The following MEMO1 variants were observed in gnomAD, a reference collection of about 807,000 sequenced individuals.
MEMO1 encodes protein MEMO1.
A neutral mutation model predicts 45.2 loss-of-function variants in MEMO1; 6 were observed. The ratio of observed to expected loss-of-function variants is 0.13; its 90% CI spans 0.07 to 0.26. MEMO1 has a LOEUF of 0.26. Ranked by LOEUF, MEMO1 falls within the 10% of genes least tolerant of loss-of-function variation. The pLI, the probability that MEMO1 is intolerant of heterozygous loss-of-function variation, is 1.00. For synonymous variants in MEMO1, 78 were observed against 124.3 expected (o/e 0.63, Z 2.48); for missense variants, 184 against 370.5 (o/e 0.50, Z 4.13).
chr2:31,976,283 A>G (rs1669994298), intron 2 of MEMO1, among the ~76,000 whole-genome samples: 1 of 152,208 alleles, frequency 6.6e-6, no homozygotes, highest in Non-Finnish European at 1.5e-5. Flanking sequence ...AGAACTATAA[A>G]GAATATATTT....
At chr2:31,897,732 A>G (rs1252561639) in intron 6 of MEMO1, among the ~76,000 whole-genome samples, 1 of 152,168 alleles carries the variant, frequency 6.6e-6, no homozygotes, top group East Asian at 1.9e-4. Context: ...CTGTCCTCAT[A>G]AAACGAGTTA....
intron 2 of MEMO1, among the ~76,000 whole-genome samples, chr2:31,968,444 A>C (rs1668888676): frequency 6.6e-6 from 1 of 152,200 alleles, no homozygotes; most frequent in South Asian, 2.1e-4. Context: ...AGAATTCCCT[A>C]AGTCCTGAAC....
At chr2:31,900,294 T>C (rs1454661936) in intron 6 of MEMO1, among the ~76,000 whole-genome samples, 1 of 152,140 alleles carries the variant, frequency 6.6e-6, no homozygotes, top group East Asian at 1.9e-4. Context: ...TGTCCATCAA[T>C]GATAGACTGG....
intron 8 of MEMO1, among the ~76,000 whole-genome samples, chr2:31,871,752 G>A (rs529107555): frequency 6.6e-6 from 1 of 152,194 alleles, no homozygotes; most frequent in African/African-American, 2.4e-5. Context: ...AGTGGCTCAT[G>A]CCTATAATCC....
rs777707444 is a variant in MEMO1, at chr2:31,892,060, T to C, written c.512A>G (p.Lys171Arg). 1 of 1,612,990 alleles carries C rather than the reference T, an allele frequency of 6.2e-7. No individual in the cohort carries two copies. The highest frequency in any genetic ancestry group is 1.1e-5 in the South Asian group (1 of 91,000). Reference protein sequence around the residue: ...LSESKEQEFGKLFSKYLADPS... With the variant: ...LSESKEQEFGRLFSKYLADPS... Reference sequence around the variant, plus strand: ...ATCCGCTAGATATTTACTGAAGAGTTTTCCGAATTCCTGTTCTTTTGACTC... The same window carrying C: ...ATCCGCTAGATATTTACTGAAGAGTCTTCCGAATTCCTGTTCTTTTGACTC... The change falls in exon 7 of 10, where the codon AAA becomes AGA. Residue 171 changes from lysine to arginine, a missense_variant. Lys to Arg is a conservative substitution (Grantham distance 26). Coordinates refer to ENST00000404530, the MANE Select transcript of MEMO1 (RefSeq NM_001301833.4).
intron 2 of MEMO1, among the ~76,000 whole-genome samples, chr2:31,996,185 A>G (rs1672578182): frequency 6.6e-6 from 1 of 151,368 alleles, no homozygotes; most frequent in Non-Finnish European, 1.5e-5. Flanking sequence ...GGGAGAGGAG[A>G]GGGAGAGAGA....
chr2:31,928,162 T>G (rs1439969202), intron 4 of MEMO1, among the ~76,000 whole-genome samples: 1 of 152,248 alleles, frequency 6.6e-6, no homozygotes, highest in Non-Finnish European at 1.5e-5. Context: ...ACAGGCAAGT[T>G]TGTTTGTAAA....
intron 2 of MEMO1, among the ~76,000 whole-genome samples, chr2:31,988,587 C>T (rs904674918): frequency 6.6e-6 from 1 of 152,154 alleles, no homozygotes; most frequent in African/African-American, 2.4e-5. Flanking sequence ...TTGGATAAAA[C>T]TGCTGTTGTC....
intron 2 of MEMO1, among the ~76,000 whole-genome samples, chr2:31,995,387 G>A (rs1232494205): frequency 6.6e-6 from 1 of 152,182 alleles, no homozygotes; most frequent in Non-Finnish European, 1.5e-5. Context: ...CTGGGAGGTG[G>A]AGGTTGCAGT....
chr2:31,987,895 T>C (rs191980219), intron 2 of MEMO1, among the ~76,000 whole-genome samples: 52 of 152,298 alleles, frequency 3.4e-4, no homozygotes, highest in Non-Finnish European at 6.3e-4. Context: ...CACCATACTT[T>C]GAGGTGAAGG....
At chr2:32,002,102 G>A (rs368961098) in intron 2 of MEMO1, among the ~76,000 whole-genome samples, 2 of 130,058 alleles carry the variant, frequency 1.5e-5, no homozygotes, top group South Asian at 2.4e-4. Flanking sequence ...CTGAGATCTC[G>A]CCAGTGCCCT....
chr2:31,871,126 A>G (rs1015517625), intron 8 of MEMO1, among the ~76,000 whole-genome samples: 1 of 152,224 alleles, frequency 6.6e-6, no homozygotes, highest in African/African-American at 2.4e-5. Flanking sequence ...CGGGGAAATA[A>G]ATTATTGATT....
intron 2 of MEMO1, among the ~76,000 whole-genome samples, chr2:32,001,237 C>T (rs1673278813): frequency 6.6e-6 from 1 of 151,648 alleles, no homozygotes; most frequent in Non-Finnish European, 1.5e-5. Flanking sequence ...GACGGGGTTT[C>T]ACCGTGTTAG....
chr2:31,961,184 C>T (rs1572820204), intron 2 of MEMO1, among the ~76,000 whole-genome samples: 1 of 149,750 alleles, frequency 6.7e-6, no homozygotes, highest in Admixed American at 6.7e-5. Context: ...ATGGGGAATC[C>T]CCCTCTCTAC....
chr2:31,912,864 G>A (rs1485298725), intron 6 of MEMO1, among the ~76,000 whole-genome samples: 4 of 152,086 alleles, frequency 2.6e-5, no homozygotes, highest in Non-Finnish European at 5.9e-5. Flanking sequence ...TTCTAACCAT[G>A]CACGTATATT....
intron 8 of MEMO1, among the ~76,000 whole-genome samples, chr2:31,870,384 A>G (rs1430371235): frequency 6.6e-6 from 1 of 152,158 alleles, no homozygotes; most frequent in Non-Finnish European, 1.5e-5. Context: ...TCTGCCTCCT[A>G]TTGGCATGAA....
chr2:31,898,911 T>C (rs528935464), intron 6 of MEMO1, among the ~76,000 whole-genome samples: 102 of 152,290 alleles, frequency 6.7e-4, no homozygotes, highest in Admixed American at 5.8e-3. Flanking sequence ...TGGGTGCAAA[T>C]ATATTTAGGA....
intron 3 of MEMO1, among the ~76,000 whole-genome samples, chr2:31,939,982 C>G (rs955933144): frequency 6.6e-6 from 1 of 152,128 alleles, no homozygotes; most frequent in African/African-American, 2.4e-5. Flanking sequence ...TCCACATTGC[C>G]AAATCCAATT....
chr2:31,925,482 A>AAAAAAAAAAAAAAAAC (rs1682959599), intron 4 of MEMO1, among the ~76,000 whole-genome samples: 1 of 94,068 alleles, frequency 1.1e-5, no homozygotes, highest in Admixed American at 1.1e-4. Context: ...TCTCAAAAAA[A>AAAAAAAAAAAAAAAAC]AAAAAAAAAA....
Sources: gnomAD v4.1 joint callset for allele counts (sites outside exome capture counted in the v4.1 genomes callset) on GRCh38, gnomAD v4.1.1 for gene constraint, MANE v1.5 for transcripts, NCBI Gene and HGNC (gene_info 2026-07-23, HGNC 2026-07-21) for gene names.